The following CCBE1 variants were observed in gnomAD, a reference collection of about 807,000 sequenced individuals.
CCBE1 encodes collagen and calcium-binding EGF domain-containing protein 1.
A neutral mutation model predicts 50.0 loss-of-function variants in CCBE1; 37 were observed. The ratio of observed to expected loss-of-function variants is 0.74; its 90% CI spans 0.57 to 0.97. The LOEUF (loss-of-function observed/expected upper bound fraction) is 0.97. CCBE1 is among the 50% of genes least tolerant of loss of function. The probability of loss-of-function intolerance (pLI) is 0.00; values close to 1 mark genes in which losing one functional copy is unlikely to be tolerated. For synonymous variants in CCBE1, 234 were observed against 203.7 expected, an observed-to-expected ratio of 1.15 and a Z score of -1.27; for missense variants, 538 against 523.8, an observed-to-expected ratio of 1.03 and a Z score of -0.26.
intron 2 of CCBE1, among the ~76,000 whole-genome samples, chr18:59,641,125 A>G (rs908217175): frequency 6.6e-6 from 1 of 152,190 alleles, no homozygotes; most frequent in Non-Finnish European, 1.5e-5. Flanking sequence ...TTATACCCAA[A>G]TAAAAAAACA....
intron 2 of CCBE1, among the ~76,000 whole-genome samples, chr18:59,515,324 C>T (rs1311317951): frequency 2.0e-5 from 3 of 152,214 alleles, no homozygotes; most frequent in Non-Finnish European, 4.4e-5. Context: ...AAAATAGCAT[C>T]TATTTATTAA....
At chr18:59,667,086 C>T (rs2144700313) in intron 2 of CCBE1, among the ~76,000 whole-genome samples, 1 of 151,912 alleles carries the variant, frequency 6.6e-6, no homozygotes, top group Admixed American at 6.6e-5. Flanking sequence ...CCAGCCTGGG[C>T]AACATAGTGA....
chr18:59,566,346 A>G (rs7238146), intron 2 of CCBE1, among the ~76,000 whole-genome samples: 1,869 of 152,318 alleles, frequency 0.012, 35 homozygotes, highest in African/African-American at 0.043. Flanking sequence ...GCAAGGAAAC[A>G]ATATGGAGCA....
intron 2 of CCBE1, among the ~76,000 whole-genome samples, chr18:59,676,495 G>A (rs1194250992): frequency 1.3e-5 from 2 of 151,970 alleles, no homozygotes; most frequent in African/African-American, 4.8e-5. Context: ...CCTTATATAT[G>A]GAATAAAACT....
At chr18:59,474,762 C>G (rs755541188) in intron 3 of CCBE1, among the ~76,000 whole-genome samples, 17 of 152,182 alleles carry the variant, frequency 1.1e-4, no homozygotes, top group Non-Finnish European at 1.9e-4. Context: ...TTTAATCAAT[C>G]CTGTTTTCAC....
At chr18:59,596,008 G>A (rs933163311) in intron 2 of CCBE1, among the ~76,000 whole-genome samples, 1 of 152,152 alleles carries the variant, frequency 6.6e-6, no homozygotes, top group African/African-American at 2.4e-5. Context: ...TCTACAAGGT[G>A]CTCCACATGG....
At chr18:59,453,703 A>T (rs1437449550) in intron 6 of CCBE1, among the ~76,000 whole-genome samples, 1 of 152,214 alleles carries the variant, frequency 6.6e-6, no homozygotes, top group Non-Finnish European at 1.5e-5. Flanking sequence ...AAAGTTCAAC[A>T]GGGAAGATAC....
chr18:59,511,105 T>C (rs11874249), intron 2 of CCBE1, among the ~76,000 whole-genome samples: 53,243 of 152,056 alleles, frequency 0.35, 9,853 homozygotes, highest in East Asian at 0.45. Context: ...TTCAGGACTT[T>C]CTTTCCAGCA....
chr18:59,450,885 T>C (rs1910898766), intron 6 of CCBE1, among the ~76,000 whole-genome samples: 2 of 152,100 alleles, frequency 1.3e-5, no homozygotes, highest in African/African-American at 2.4e-5. Context: ...ACCCATTTTA[T>C]AGAGTAGCAG....
chr18:59,551,976 C>T (rs1434139329), intron 2 of CCBE1, among the ~76,000 whole-genome samples: 7 of 152,216 alleles, frequency 4.6e-5, no homozygotes, highest in Non-Finnish European at 2.9e-5. Flanking sequence ...GGCCTAAGCT[C>T]AGCTGGGCAA....
At chr18:59,660,187 T>C (rs1295860392) in intron 2 of CCBE1, among the ~76,000 whole-genome samples, 2 of 152,212 alleles carry the variant, frequency 1.3e-5, no homozygotes, top group Non-Finnish European at 1.5e-5. Context: ...AAGGGATATC[T>C]TTTCCCAGTT....
chr18:59,503,364 A>G (rs999847980), intron 2 of CCBE1, among the ~76,000 whole-genome samples: 1 of 152,194 alleles, frequency 6.6e-6, no homozygotes, highest in Admixed American at 6.5e-5. Flanking sequence ...AGAGGGCATT[A>G]TGCTACTTTA....
At chr18:59,504,169 CTG>C (rs1481060085) in intron 2 of CCBE1, among the ~76,000 whole-genome samples, 2 of 152,172 alleles carry the variant, frequency 1.3e-5, no homozygotes, top group Non-Finnish European at 2.9e-5. Context: ...CATAGGGTCT[CTG>C]TGTAAGTCAT....
Position 59,552,617 on chromosome 18 carries a change from T to C in CCBE1, c.213-72379A>G, listed in dbSNP as rs75955232. 3.5e-4 allele frequency among the ~76,000 whole-genome samples: 54 copies of C among 152,350 alleles called. No homozygotes were observed. In the East Asian group the frequency reaches 9.4e-3, roughly 27 times the overall value. On this transcript the variant is annotated intron_variant, in intron 2 of 10. Coordinates refer to ENST00000439986, the MANE Select transcript of CCBE1 (RefSeq NM_133459.4). ...AGTTGGCAATAGTTCCCACATCGTTTTTCTATCAGTAAACCTGGTTTGGAA... is the reference window on the plus strand; with the variant it reads ...AGTTGGCAATAGTTCCCACATCGTTCTTCTATCAGTAAACCTGGTTTGGAA...
chr18:59,619,345 T>C (rs1200099824), intron 2 of CCBE1, among the ~76,000 whole-genome samples: 2 of 152,218 alleles, frequency 1.3e-5, no homozygotes, highest in African/African-American at 2.4e-5. Flanking sequence ...CTTGCTAATA[T>C]TGCCCAGGCT....
chr18:59,684,608 T>G (rs2054633676), intron 2 of CCBE1, among the ~76,000 whole-genome samples: 1 of 152,240 alleles, frequency 6.6e-6, no homozygotes, highest in East Asian at 1.9e-4. Context: ...TCGGGGTACC[T>G]CTATACACAA....
At chr18:59,437,022 T>C (rs1910189163) in intron 10 of CCBE1, among the ~76,000 whole-genome samples, 1 of 152,214 alleles carries the variant, frequency 6.6e-6, no homozygotes, top group Non-Finnish European at 1.5e-5. Context: ...AAAATGTTTA[T>C]AAGATGGCTG....
At chr18:59,671,514 AAAGT>A (rs2054430785) in intron 2 of CCBE1, among the ~76,000 whole-genome samples, 2 of 148,178 alleles carry the variant, frequency 1.3e-5, no homozygotes, top group Non-Finnish European at 2.9e-5. Context: ...AAAAAAAAAA[AAAGT>A]AAGAAAAAGA....
intron 3 of CCBE1, 121 bp downstream of exon 3, chr18:59,480,065 A>G: frequency 1.4e-6 from 1 of 728,844 alleles, no homozygotes; most frequent in Non-Finnish European, 2.3e-6. Context: ...AAATATACAC[A>G]GACAGATACA....
Sources: gnomAD v4.1 joint callset for allele counts (sites outside exome capture counted in the v4.1 genomes callset) on GRCh38, gnomAD v4.1.1 for gene constraint, MANE v1.5 for transcripts, NCBI Gene and HGNC (gene_info 2026-07-23, HGNC 2026-07-21) for gene names.